The following EMSY variants were observed in gnomAD, a reference collection of about 807,000 sequenced individuals.
The protein encoded by EMSY is EMSY transcriptional repressor, BRCA2 interacting.
A neutral mutation model predicts 134.6 loss-of-function variants in EMSY; 26 were observed. The observed-to-expected ratio is 0.19, with a 90% confidence interval of 0.14 to 0.27. The LOEUF (loss-of-function observed/expected upper bound fraction) is 0.27, where lower values mean the gene tolerates loss of function less well. EMSY is among the 10% of genes least tolerant of loss of function. EMSY has a pLI of 1.00. For synonymous variants in EMSY, 579 were observed against 577.8 expected (o/e 1.00, Z -0.03); for missense variants, 1,305 against 1,611.4 (o/e 0.81, Z 3.26).
intron 7 of EMSY, among the ~76,000 whole-genome samples, chr11:76,471,853 T>C (rs1172965885): frequency 6.6e-6 from 1 of 152,218 alleles, no homozygotes; most frequent in Admixed American, 6.5e-5. Context: ...TGAAGTTTCT[T>C]GAACATACCA....
At chr11:76,468,094 G>A (rs977648291) in intron 7 of EMSY, among the ~76,000 whole-genome samples, 28 of 152,092 alleles carry the variant, frequency 1.8e-4, no homozygotes, top group African/African-American at 6.3e-4. Flanking sequence ...CTAAAAATAC[G>A]TGTAGTAGAT....
intron 2 of EMSY, among the ~76,000 whole-genome samples, chr11:76,450,849 G>A (rs963142476): frequency 3.4e-5 from 5 of 146,998 alleles, no homozygotes; most frequent in Non-Finnish European, 6.0e-5. Context: ...GCTGGAGTGC[G>A]GTGGCATGAT....
In EMSY at chr11:76,542,208, A is replaced by G; in HGVS notation, c.2558-8A>G. ...CTGGAGAAATATCATCACCTCCTCT[A>G]TTTTCAGTCAGCCATCGCTCCCAGC... On this transcript the variant is annotated splice_polypyrimidine_tract_variant and splice_region_variant and intron_variant, in intron 17 of 20. Coordinates refer to ENST00000334736, the Ensembl canonical transcript of EMSY. 6.2e-7 allele frequency: 1 copy of G among 1,613,976 alleles called. No individual in the cohort carries two copies. Among genetic ancestry groups the G allele is most frequent in the Non-Finnish European group, 8.5e-7 (1 of 1,179,950 alleles).
chr11:76,529,217 G>A (rs1950948230), intron 14 of EMSY, among the ~76,000 whole-genome samples: 2 of 152,048 alleles, frequency 1.3e-5, no homozygotes, highest in Admixed American at 6.5e-5. Context: ...GTACATTTAT[G>A]TCTGTGCTTA....
chr11:76,455,107 GA>G (rs1462025876), intron 4 of EMSY, among the ~76,000 whole-genome samples: 1 of 152,078 alleles, frequency 6.6e-6, no homozygotes, highest in African/African-American at 2.4e-5. Flanking sequence ...GATAATATAT[GA>G]GTTTCTTTAA....
chr11:76,455,823 G>A (rs1484236955), intron 4 of EMSY, among the ~76,000 whole-genome samples: 1 of 152,072 alleles, frequency 6.6e-6, no homozygotes, highest in Non-Finnish European at 1.5e-5. Flanking sequence ...AAGGAGCTTC[G>A]GATTTTTTAA....
chr11:76,518,266 C>G (rs936360259), intron 11 of EMSY, among the ~76,000 whole-genome samples: 3 of 150,484 alleles, frequency 2.0e-5, no homozygotes, highest in African/African-American at 7.3e-5. Flanking sequence ...CTCCTGGGCT[C>G]AAGCAATCCT....
intron 9 of EMSY, among the ~76,000 whole-genome samples, chr11:76,506,492 C>T (rs1354489170): frequency 1.3e-5 from 2 of 152,074 alleles, no homozygotes; most frequent in African/African-American, 4.8e-5. Context: ...GCACAGAATA[C>T]CAATTATCCT....
At chr11:76,524,762 G>T (rs1276188526) in intron 12 of EMSY, among the ~76,000 whole-genome samples, 1 of 152,184 alleles carries the variant, frequency 6.6e-6, no homozygotes, top group Non-Finnish European at 1.5e-5. Context: ...GGAGGCTTAT[G>T]CCTGTAATCC....
intron 13 of EMSY, among the ~76,000 whole-genome samples, chr11:76,527,090 GA>G (rs545614853): frequency 7.0e-4 from 107 of 152,216 alleles, no homozygotes; most frequent in African/African-American, 2.5e-3. Context: ...ACCAATAGAA[GA>G]TAAGGGAACT....
At chr11:76,489,821 T>A (rs1210591027) in intron 8 of EMSY, among the ~76,000 whole-genome samples, 1 of 152,162 alleles carries the variant, frequency 6.6e-6, no homozygotes, top group Non-Finnish European at 1.5e-5. Context: ...GCCAGGCTGG[T>A]CTCAAACTTC....
In EMSY at chr11:76,528,419, A is replaced by G. The variant is rs761544707; in HGVS notation, c.2147A>G (p.Tyr716Cys). The change falls in exon 14 of 21, where the codon TAT becomes TGT. Residue 716 changes from tyrosine (Y) to cysteine (C), a missense_variant. Tyr to Cys is a radical substitution (Grantham distance 194). Coordinates refer to ENST00000334736, the Ensembl canonical transcript of EMSY. ...GAAGGAAAAGAAGAACCACAGAATT[A>G]TACAGATAGTAGTTCCTCTTCTACA... 1.9e-6 allele frequency: 3 copies of G among 1,611,770 alleles called. No homozygotes were observed. In the Admixed American group the frequency reaches 5.0e-5, roughly 27 times the overall value.
chr11:76,548,821 C>G (rs1263352943), intron 20 of EMSY, among the ~76,000 whole-genome samples: 1 of 152,196 alleles, frequency 6.6e-6, no homozygotes, highest in Admixed American at 6.5e-5. Context: ...TTATTTTGGT[C>G]AGGCATATTT....
At chr11:76,534,299 A>G (rs917761624) in intron 14 of EMSY, among the ~76,000 whole-genome samples, 5 of 152,162 alleles carry the variant, frequency 3.3e-5, no homozygotes, top group Admixed American at 6.6e-5. Context: ...AATATAATCA[A>G]TTCTCTTAAG....
chr11:76,496,290 A>G, exon 9 of EMSY: 1 of 1,614,164 alleles, frequency 6.2e-7, no homozygotes, highest in Non-Finnish European at 8.5e-7. Flanking sequence ...GCCCCAACTC[A>G]GATTCTTGCA....
intron 8 of EMSY, among the ~76,000 whole-genome samples, chr11:76,489,499 T>C (rs999931550): frequency 3.9e-5 from 6 of 152,122 alleles, no homozygotes; most frequent in African/African-American, 1.4e-4. Context: ...AACCATTCCT[T>C]TTTATCTCTG....
At chr11:76,519,691 T>C (rs1950577974) in intron 11 of EMSY, among the ~76,000 whole-genome samples, 1 of 152,192 alleles carries the variant, frequency 6.6e-6, no homozygotes, top group Non-Finnish European at 1.5e-5. Context: ...GTAAATAGAA[T>C]AGTAAAATCT....
At chr11:76,542,705 C>T (rs1333465583) in intron 18 of EMSY, among the ~76,000 whole-genome samples, 1 of 143,814 alleles carries the variant, frequency 7.0e-6, no homozygotes, top group Non-Finnish European at 1.5e-5. Flanking sequence ...TAACATTTGG[C>T]TTGTTTAGCT....
intron 3 of EMSY, 70 bp from the exon 4 acceptor site, chr11:76,453,243 TA>T: frequency 6.9e-7 from 1 of 1,441,874 alleles, no homozygotes; most frequent in Non-Finnish European, 9.6e-7. Context: ...AATGTTGACT[TA>T]AACATTAATG....
Sources: gnomAD v4.1 joint callset for allele counts (sites outside exome capture counted in the v4.1 genomes callset) on GRCh38, gnomAD v4.1.1 for gene constraint, MANE v1.5 for transcripts, NCBI Gene and HGNC (gene_info 2026-07-23, HGNC 2026-07-21) for gene names.